The following PRDM5 variants were observed in gnomAD, a reference collection of about 807,000 sequenced individuals.
PRDM5 encodes the protein PR/SET domain 5.
A neutral mutation model predicts 81.2 loss-of-function variants in PRDM5; 56 were observed. The observed-to-expected ratio is 0.69, with a 90% CI of 0.56 to 0.86. The LOEUF (loss-of-function observed/expected upper bound fraction) is 0.86. Ranked by LOEUF, PRDM5 falls within the 40% of genes least tolerant of loss-of-function variation. The pLI, the probability that PRDM5 is intolerant of heterozygous loss-of-function variation, is 0.00. For missense variants in PRDM5, 697 were observed against 770.1 expected, an observed-to-expected ratio of 0.91 and a Z score of 1.12; for synonymous variants, 267 against 256.4, an observed-to-expected ratio of 1.04 and a Z score of -0.39.
intron 14 of PRDM5, among the ~76,000 whole-genome samples, chr4:120,742,736 A>G (rs1043296967): frequency 7.0e-4 from 107 of 152,302 alleles, no homozygotes; most frequent in Non-Finnish European, 1.3e-3. Context: ...AGAAAAAAGA[A>G]TAAAAAGAAA....
intron 13 of PRDM5, among the ~76,000 whole-genome samples, chr4:120,770,263 A>C (rs907519821): frequency 1.3e-5 from 2 of 152,068 alleles, no homozygotes; most frequent in Non-Finnish European, 2.9e-5. Context: ...TCCTGACCTC[A>C]GGTGATCTGC....
intron 14 of PRDM5, among the ~76,000 whole-genome samples, chr4:120,726,598 G>A (rs1739444471): frequency 6.6e-6 from 1 of 152,156 alleles, no homozygotes; most frequent in African/African-American, 2.4e-5. Context: ...AACACACCCA[G>A]AAGAAGATTC....
intron 12 of PRDM5, among the ~76,000 whole-genome samples, chr4:120,780,874 G>C (rs1213604593): frequency 1.3e-5 from 2 of 152,042 alleles, no homozygotes; most frequent in African/African-American, 2.4e-5. Flanking sequence ...CCTGCTCATT[G>C]AGTACTTTTT....
chr4:120,876,533 C>T (rs181389978), intron 2 of PRDM5, among the ~76,000 whole-genome samples: 27 of 152,184 alleles, frequency 1.8e-4, no homozygotes, highest in African/African-American at 6.3e-4. Flanking sequence ...CTTTTAGGAA[C>T]ATATATTGCA....
intron 14 of PRDM5, among the ~76,000 whole-genome samples, chr4:120,720,460 A>G (rs1391715220): frequency 1.3e-5 from 2 of 152,154 alleles, no homozygotes; most frequent in African/African-American, 4.8e-5. Context: ...CGTGGGTGAA[A>G]TTTAGAGGAG....
chr4:120,903,513 A>G (rs1471605673), intron 2 of PRDM5, among the ~76,000 whole-genome samples: 1 of 152,184 alleles, frequency 6.6e-6, no homozygotes, highest in African/African-American at 2.4e-5. Flanking sequence ...TGCAATTCTA[A>G]AAGTGTTGTT....
intron 1 of PRDM5, among the ~76,000 whole-genome samples, chr4:120,913,638 T>C (rs570802673): frequency 3.3e-5 from 5 of 152,336 alleles, no homozygotes; most frequent in Admixed American, 3.3e-4. Context: ...GTTACTTTCC[T>C]CTCTTGAGCA....
intron 14 of PRDM5, among the ~76,000 whole-genome samples, chr4:120,735,239 G>A (rs901307619): frequency 6.6e-6 from 1 of 152,126 alleles, no homozygotes; most frequent in African/African-American, 2.4e-5. Context: ...TGTCACCATG[G>A]TGTCATCCAA....
chr4:120,750,719 C>CAT lies in PRDM5; in HGVS notation c.1623+3833_1623+3834insAT, dbSNP rs1553958105. 4.7e-4 allele frequency among the ~76,000 whole-genome samples: 62 copies of CAT among 131,588 alleles called. 1 individual carries two copies. The highest frequency in any genetic ancestry group is 3.8e-3 in the Middle Eastern group (1 of 264). The allele number at this position is 131,588 out of a possible 152,430, so 86.3% of individuals were successfully genotyped here. ...ACACACACACACACACACACACACA[C>CAT]GCGCACACAAAACAGACATTCAATC... On this transcript the variant is annotated intron_variant, in intron 14 of 15. Transcript: ENST00000264808.
chr4:120,836,970 A>G (rs1202950199), intron 3 of PRDM5, among the ~76,000 whole-genome samples: 1 of 152,216 alleles, frequency 6.6e-6, no homozygotes, highest in African/African-American at 2.4e-5. Context: ...CACAAGATTT[A>G]TATAGAGTGA....
At chr4:120,762,399 T>A (rs1343609762) in intron 13 of PRDM5, 1 of 152,160 alleles carries the variant, frequency 6.6e-6, no homozygotes, top group Non-Finnish European at 1.5e-5. Flanking sequence ...TTCCACATGG[T>A]TGAACTTTAA....
intron 14 of PRDM5, among the ~76,000 whole-genome samples, chr4:120,747,246 G>A (rs920708373): frequency 7.8e-5 from 11 of 140,310 alleles, no homozygotes; most frequent in African/African-American, 2.9e-4. Context: ...AGATCACATG[G>A]ACACAGGAAG....
Position 120,781,233 on chromosome 4 carries a change from G to A in PRDM5, c.1353C>T (p.Val451=), listed in dbSNP as rs374433951. 2.2e-5 allele frequency: 36 copies of A among 1,611,858 alleles called. No individual in the cohort carries two copies. In the African/African-American group the frequency reaches 4.4e-4, roughly 20 times the overall value. The change falls in exon 12 of 16, where the codon GTC becomes GTT. Residue 451 remains valine (V), a synonymous_variant. Transcript: ENST00000264808. ...TCTTGTGTCTTTCATGAACCACCTG[G>A]ACATGAACATTTAATGTATCCTTCC... is the stretch of plus-strand genomic sequence containing the variant. ...FKRKDTLNVH[V]QVVHERHKKY...
At chr4:120,920,774 T>A (rs996898198) in intron 1 of PRDM5, among the ~76,000 whole-genome samples, 1 of 152,186 alleles carries the variant, frequency 6.6e-6, no homozygotes, top group African/African-American at 2.4e-5. Flanking sequence ...CTAAATATGA[T>A]CTGGATGAAA....
At chr4:120,744,922 C>G (rs1036151270) in intron 14 of PRDM5, among the ~76,000 whole-genome samples, 2 of 118,076 alleles carry the variant, frequency 1.7e-5, no homozygotes, top group Non-Finnish European at 3.5e-5. Context: ...TCCTCCCTAA[C>G]TCATTTTATA....
At chr4:120,758,036 C>T (rs906304444) in intron 13 of PRDM5, among the ~76,000 whole-genome samples, 5 of 152,104 alleles carry the variant, frequency 3.3e-5, no homozygotes, top group African/African-American at 4.8e-5. Context: ...ACCCCTGCTC[C>T]TGGTTTTCAG....
At chr4:120,897,570 C>T (rs1051665971) in intron 2 of PRDM5, among the ~76,000 whole-genome samples, 1 of 152,172 alleles carries the variant, frequency 6.6e-6, no homozygotes, top group Non-Finnish European at 1.5e-5. Flanking sequence ...TTTCTACATC[C>T]TCTCCTGCTA....
chr4:120,795,382 T>A lies in PRDM5; in HGVS notation c.1188+2885A>T, dbSNP rs117808070. ...GTGAAGAGTAATTGAACGGTTTCTG[T>A]CTCCTCTGGCTCTGAAACACTGGTT... On this transcript the variant is annotated intron_variant, in intron 10 of 15. Transcript: ENST00000264808. Among the ~76,000 whole-genome samples the A allele has an allele frequency of 4.6e-5, 7 of 152,184 alleles. No homozygotes were observed. The East Asian group carries it at 1.4e-3, about 29-fold the overall frequency.
At chr4:120,726,405 G>C (rs62325560) in intron 14 of PRDM5, among the ~76,000 whole-genome samples, 1,809 of 152,156 alleles carry the variant, frequency 0.012, 26 homozygotes, top group Non-Finnish European at 0.02. Context: ...ATTTTGTTTT[G>C]CTGTAATTCT....
Sources: allele counts gnomAD v4.1 joint callset (sites outside exome capture counted in the v4.1 genomes callset), GRCh38; gene constraint gnomAD v4.1.1; transcripts MANE v1.5; gene names NCBI Gene and HGNC (gene_info 2026-07-23, HGNC 2026-07-21).